The following ZNF804B variants were observed in gnomAD, a reference collection of about 807,000 sequenced individuals.
ZNF804B encodes zinc finger protein 804B.
A neutral mutation model predicts 101.4 loss-of-function variants in ZNF804B; 80 were observed. That is an observed-to-expected ratio of 0.79 (90% confidence interval 0.66 to 0.95). The LOEUF (loss-of-function observed/expected upper bound fraction) is 0.95, where lower values mean the gene tolerates loss of function less well. Among genes scored for constraint, ZNF804B ranks in the 40% least tolerant of loss-of-function variants. ZNF804B has a pLI of 0.00. For synonymous variants in ZNF804B, 622 were observed against 558.8 expected (o/e 1.11, Z -1.59); for missense variants, 1,673 against 1,561.9 (o/e 1.07, Z -1.20).
intron 1 of ZNF804B, among the ~76,000 whole-genome samples, chr7:88,985,191 A>G (rs927831465): frequency 3.3e-5 from 5 of 151,638 alleles, no homozygotes; most frequent in African/African-American, 1.2e-4. Flanking sequence ...CCAAAAAATT[A>G]TTGAAAACTG....
intron 2 of ZNF804B, among the ~76,000 whole-genome samples, chr7:89,269,635 C>A (rs534785354): frequency 3.3e-4 from 50 of 152,292 alleles, no homozygotes; most frequent in African/African-American, 1.1e-3. Context: ...TGAGGAATCG[C>A]CACACTGACT....
At chr7:89,310,562 C>T (rs961737608) in intron 2 of ZNF804B, among the ~76,000 whole-genome samples, 1 of 151,938 alleles carries the variant, frequency 6.6e-6, no homozygotes, top group African/African-American at 2.4e-5. Flanking sequence ...TTGCAAAAAC[C>T]CTTTCACTGT....
intron 1 of ZNF804B, among the ~76,000 whole-genome samples, chr7:88,850,135 C>G (rs1791431388): frequency 6.6e-6 from 1 of 152,066 alleles, no homozygotes; most frequent in East Asian, 1.9e-4. Context: ...CAATAATTCT[C>G]AAGACATTTT....
intron 1 of ZNF804B, among the ~76,000 whole-genome samples, chr7:88,935,369 T>TA (rs3034324): frequency 1.5e-3 from 195 of 131,196 alleles, no homozygotes; most frequent in Middle Eastern, 4.0e-3. Flanking sequence ...TAAAAGTAAT[T>TA]AAAAAAAAAA....
intron 1 of ZNF804B, among the ~76,000 whole-genome samples, chr7:88,885,602 C>T (rs2373740): frequency 5.9e-4 from 85 of 142,952 alleles, no homozygotes; most frequent in African/African-American, 8.4e-4. Flanking sequence ...GCAATTACAA[C>T]ATACTAGATA....
chr7:88,819,360 A>G (rs1170174016), intron 1 of ZNF804B, among the ~76,000 whole-genome samples: 1 of 151,924 alleles, frequency 6.6e-6, no homozygotes, highest in Non-Finnish European at 1.5e-5. Flanking sequence ...CGAACTCCTG[A>G]CTTCAAGTGA....
At chr7:88,964,582 A>G (rs1793429814) in intron 1 of ZNF804B, among the ~76,000 whole-genome samples, 1 of 151,464 alleles carries the variant, frequency 6.6e-6, no homozygotes, top group Admixed American at 6.6e-5. Flanking sequence ...GAATGCTGAA[A>G]ATTTCTGGAG....
intron 1 of ZNF804B, among the ~76,000 whole-genome samples, chr7:89,115,348 C>T (rs1790293482): frequency 6.6e-6 from 1 of 152,186 alleles, no homozygotes; most frequent in Admixed American, 6.5e-5. Context: ...ACATCTACAA[C>T]AAGTGTATAC....
At chr7:89,095,282 G>A (rs977072300) in intron 1 of ZNF804B, among the ~76,000 whole-genome samples, 1 of 152,142 alleles carries the variant, frequency 6.6e-6, no homozygotes, top group Admixed American at 6.5e-5. Context: ...ATGCCATCTT[G>A]GAAGCAGAGA....
Position 89,335,045 on chromosome 7 carries a change from T to A in ZNF804B, c.2063T>A (p.Val688Asp), listed in dbSNP as rs767498932. ...AACCACATCAGCATGACCAGCAAGGTTTCCGGATGTGGAAACCAAAGATAC... is the reference window on the plus strand; with the variant it reads ...AACCACATCAGCATGACCAGCAAGGATTCCGGATGTGGAAACCAAAGATAC... Reference protein sequence around the residue: ...KSNHISMTSKVSGCGNQRYKR... With the variant: ...KSNHISMTSKDSGCGNQRYKR... Residue 688 changes from valine to aspartate, a missense_variant, in exon 4 of 4, where the codon GTT (valine) becomes GAT (aspartate). Transcript: ENST00000333190. 2.1e-5 allele frequency: 34 copies of A among 1,613,734 alleles called. No homozygotes were observed. Among genetic ancestry groups the A allele is most frequent in the Non-Finnish European group, 2.8e-5 (33 of 1,179,926 alleles).
chr7:89,138,581 T>C (rs1476470248), intron 1 of ZNF804B, among the ~76,000 whole-genome samples: 1 of 151,828 alleles, frequency 6.6e-6, no homozygotes, highest in Non-Finnish European at 1.5e-5. Flanking sequence ...GAAGGCATGA[T>C]TGGTTTTAAA....
chr7:88,771,161 G>A (rs1790055551), intron 1 of ZNF804B, among the ~76,000 whole-genome samples: 1 of 151,750 alleles, frequency 6.6e-6, no homozygotes, highest in Non-Finnish European at 1.5e-5. Context: ...CATTTTAAGG[G>A]GATATTTTAA....
chr7:89,020,653 A>G (rs192783769), intron 1 of ZNF804B, among the ~76,000 whole-genome samples: 290 of 152,260 alleles, frequency 1.9e-3, no homozygotes, highest in Admixed American at 4.3e-3. Context: ...TAGGTTTTCT[A>G]TACCTTTTCA....
intron 1 of ZNF804B, among the ~76,000 whole-genome samples, chr7:89,193,038 A>G (rs1467581245): frequency 3.3e-5 from 5 of 152,072 alleles, no homozygotes; most frequent in East Asian, 3.9e-4. Context: ...CACAGCCAAT[A>G]TCATACTGAA....
intron 1 of ZNF804B, among the ~76,000 whole-genome samples, chr7:88,854,895 G>C (rs1207849806): frequency 6.6e-6 from 1 of 151,432 alleles, no homozygotes; most frequent in Non-Finnish European, 1.5e-5. Context: ...GAGAATGATG[G>C]TTTCCAGCTT....
At chr7:89,313,502 G>A (rs1422155052) in intron 2 of ZNF804B, among the ~76,000 whole-genome samples, 5 of 152,170 alleles carry the variant, frequency 3.3e-5, no homozygotes, top group Non-Finnish European at 7.4e-5. Context: ...GGACTGGTAA[G>A]CAATGATATT....
At chr7:89,223,235 C>A (rs962006580) in intron 2 of ZNF804B, among the ~76,000 whole-genome samples, 8 of 151,800 alleles carry the variant, frequency 5.3e-5, no homozygotes, top group Non-Finnish European at 1.0e-4. Context: ...AAAATATGCT[C>A]TTTTTGGTAC....
intron 1 of ZNF804B, among the ~76,000 whole-genome samples, chr7:88,921,493 T>G (rs900435569): frequency 6.6e-6 from 1 of 152,096 alleles, no homozygotes; most frequent in Non-Finnish European, 1.5e-5. Context: ...GTACAAATAA[T>G]TACATAGCTT....
intron 1 of ZNF804B, among the ~76,000 whole-genome samples, chr7:88,776,523 A>G (rs1168786555): frequency 7.0e-6 from 1 of 143,456 alleles, no homozygotes; most frequent in African/African-American, 2.7e-5. Context: ...AGATAATGAT[A>G]CATTTGTAGT....
Sources: allele counts gnomAD v4.1 joint callset (sites outside exome capture counted in the v4.1 genomes callset), GRCh38; gene constraint gnomAD v4.1.1; transcripts MANE v1.5; gene names NCBI Gene and HGNC (gene_info 2026-07-23, HGNC 2026-07-21).